Variants in CADPS observed in about 807,000 individuals in gnomAD.
The protein encoded by CADPS is calcium dependent secretion activator.
CADPS carries 57 observed loss-of-function variants against 167.3 expected under a neutral mutation model. The ratio of observed to expected loss-of-function variants is 0.34; its 90% CI spans 0.28 to 0.42. The LOEUF is 0.42. Ranked by LOEUF, CADPS falls within the 20% of genes least tolerant of loss-of-function variation. The probability of loss-of-function intolerance (pLI) is 1.00; values close to 1 mark genes in which losing one functional copy is unlikely to be tolerated. For missense variants in CADPS, 1,414 were observed against 1,738.1 expected, an observed-to-expected ratio of 0.81 and a Z score of 3.32; for synonymous variants, 676 against 635.3, an observed-to-expected ratio of 1.06 and a Z score of -0.96.
intron 9 of CADPS, among the ~76,000 whole-genome samples, chr3:62,569,348 C>A (rs1026729896): frequency 2.6e-5 from 4 of 152,168 alleles, no homozygotes; most frequent in African/African-American, 9.6e-5. Context: ...GTGATCCACC[C>A]GTCTCGGCTT....
chr3:62,858,832 T>C (rs747467216), intron 1 of CADPS, among the ~76,000 whole-genome samples: 61 of 152,166 alleles, frequency 4.0e-4, no homozygotes, highest in Non-Finnish European at 6.5e-4. Flanking sequence ...AAAATCTGCT[T>C]TATGATAGGC....
intron 1 of CADPS, among the ~76,000 whole-genome samples, chr3:62,788,381 A>G (rs2092650449): frequency 6.6e-6 from 1 of 152,174 alleles, no homozygotes; most frequent in South Asian, 2.1e-4. Context: ...TGAGTTAAGA[A>G]GAGGTTGAGA....
chr3:62,515,608 G>A (rs2068785642), intron 16 of CADPS, among the ~76,000 whole-genome samples: 1 of 151,960 alleles, frequency 6.6e-6, no homozygotes, highest in Admixed American at 6.6e-5. Flanking sequence ...GGTACTTTTG[G>A]GGGCAAGAAA....
intron 1 of CADPS, among the ~76,000 whole-genome samples, chr3:62,817,168 TG>T (rs1433404619): frequency 6.6e-6 from 1 of 152,182 alleles, no homozygotes; most frequent in Non-Finnish European, 1.5e-5. Flanking sequence ...GAAGAGCCTT[TG>T]TAAACATCAC....
intron 1 of CADPS, among the ~76,000 whole-genome samples, chr3:62,833,323 T>A (rs771261953): frequency 2.6e-4 from 39 of 151,730 alleles, no homozygotes; most frequent in Non-Finnish European, 5.0e-4. Context: ...ACTTATTTTT[T>A]AAAAAAATTG....
intron 9 of CADPS, among the ~76,000 whole-genome samples, chr3:62,564,403 C>T (rs1238250298): frequency 2.0e-5 from 3 of 152,134 alleles, no homozygotes; most frequent in Admixed American, 6.6e-5. Flanking sequence ...TGCGAAAAGC[C>T]TTGTCCTCAC....
chr3:62,663,607 C>T (rs570506400), intron 3 of CADPS, among the ~76,000 whole-genome samples: 1 of 97,106 alleles, frequency 1.0e-5, no homozygotes, highest in East Asian at 4.8e-4. Flanking sequence ...AAGCTCCCTG[C>T]CTCCAAAAAA....
At chr3:62,423,628 G>A (rs1043020833) in intron 28 of CADPS, among the ~76,000 whole-genome samples, 4 of 152,200 alleles carry the variant, frequency 2.6e-5, no homozygotes, top group African/African-American at 4.8e-5. Context: ...TGAATTTGCC[G>A]AAGTCAGTTT....
chr3:62,469,465 A>C (rs2150473910), intron 24 of CADPS, among the ~76,000 whole-genome samples: 1 of 152,236 alleles, frequency 6.6e-6, no homozygotes, highest in South Asian at 2.1e-4. Flanking sequence ...CTATCCAGAT[A>C]CGGTACAAAG....
chr3:62,427,108 C>T (rs897403410), intron 28 of CADPS, among the ~76,000 whole-genome samples: 3 of 151,184 alleles, frequency 2.0e-5, no homozygotes, highest in Admixed American at 6.6e-5. Flanking sequence ...TGACAGGGCA[C>T]CTTTCAGTAG....
chr3:62,585,784 C>T (rs919195609), intron 7 of CADPS, among the ~76,000 whole-genome samples: 1 of 152,134 alleles, frequency 6.6e-6, no homozygotes, highest in Non-Finnish European at 1.5e-5. Flanking sequence ...ATGGAAGGAA[C>T]CTTATTAGAT....
chr3:62,494,390 G>T (rs2064273328), intron 18 of CADPS, among the ~76,000 whole-genome samples: 1 of 152,152 alleles, frequency 6.6e-6, no homozygotes, highest in African/African-American at 2.4e-5. Flanking sequence ...CCACCCCTGT[G>T]TGGAAGGCTG....
intron 1 of CADPS, among the ~76,000 whole-genome samples, chr3:62,788,056 T>C (rs17067185): frequency 0.047 from 7,178 of 152,238 alleles, 566 homozygotes; most frequent in African/African-American, 0.16. Flanking sequence ...ATACTTATTT[T>C]GGCAGTTTTA....
intron 3 of CADPS, among the ~76,000 whole-genome samples, chr3:62,738,584 AG>A (rs1279352266): frequency 6.6e-6 from 1 of 151,872 alleles, no homozygotes; most frequent in Non-Finnish European, 1.5e-5. Flanking sequence ...AAATTAACTG[AG>A]CGTGGTGGCA....
intron 6 of CADPS, among the ~76,000 whole-genome samples, chr3:62,616,703 C>A (rs2062367135): frequency 6.6e-6 from 1 of 152,076 alleles, no homozygotes; most frequent in Admixed American, 6.6e-5. Context: ...GTACATATAG[C>A]ATATGGTATA....
intron 3 of CADPS, among the ~76,000 whole-genome samples, chr3:62,723,311 G>C (rs536800103): frequency 3.9e-5 from 6 of 152,156 alleles, no homozygotes; most frequent in African/African-American, 1.4e-4. Context: ...TGCTGAACCC[G>C]AGTGTGACCA....
intron 6 of CADPS, among the ~76,000 whole-genome samples, chr3:62,638,077 T>TTA (rs928423543): frequency 0.11 from 4,097 of 36,690 alleles, 225 homozygotes; most frequent in African/African-American, 0.15. Flanking sequence ...GTTTTAAGCA[T>TTA]TATATATATA....
intron 7 of CADPS, among the ~76,000 whole-genome samples, chr3:62,590,928 C>G (rs982672671): frequency 6.6e-6 from 1 of 152,142 alleles, no homozygotes; most frequent in Admixed American, 6.5e-5. Context: ...GATCTTGGCT[C>G]ATTGCAACTT....
chr3:62,762,760 T>C (rs958035085), intron 2 of CADPS, among the ~76,000 whole-genome samples: 2 of 152,138 alleles, frequency 1.3e-5, no homozygotes, highest in Admixed American at 1.3e-4. Flanking sequence ...GATTTTGTAT[T>C]TGAGGAAGCC....
Sources: allele counts gnomAD v4.1 joint callset (sites outside exome capture counted in the v4.1 genomes callset), GRCh38; gene constraint gnomAD v4.1.1; transcripts MANE v1.5; gene names NCBI Gene and HGNC (gene_info 2026-07-23, HGNC 2026-07-21).